RIN2: variants seen among roughly 807,000 people sequenced by gnomAD.
RIN2 encodes RAB5 interacting protein 2.
RIN2 carries 36 observed loss-of-function variants against 78.0 expected under a neutral mutation model. The observed-to-expected ratio is 0.46, with a 90% CI of 0.35 to 0.61. The LOEUF (loss-of-function observed/expected upper bound fraction) is 0.61. Among genes scored for constraint, RIN2 ranks in the 20% least tolerant of loss-of-function variants. The pLI is 0.00. For synonymous variants in RIN2, 466 were observed against 466.8 expected (o/e 1.00, Z 0.02); for missense variants, 1,087 against 1,159.7 (o/e 0.94, Z 0.91).
At chr20:19,836,703 CTA>C (rs1457278367) in intron 2 of RIN2, among the ~76,000 whole-genome samples, 1 of 152,000 alleles carries the variant, frequency 6.6e-6, no homozygotes, top group African/African-American at 2.4e-5. Flanking sequence ...TAATTCTCAT[CTA>C]TTTAATTTTT....
chr20:19,788,435 A>AAAAAAAACAAAAACAAATAC, intron 1 of RIN2, among the ~76,000 whole-genome samples: 1 of 137,808 alleles, frequency 7.3e-6, no homozygotes, highest in African/African-American at 2.9e-5. Flanking sequence ...TCTCTGCCAA[A>AAAAAAAACAAAAACAAATAC]AAAAAAAAAA....
chr20:19,812,698 C>G (rs1336450247), intron 2 of RIN2, among the ~76,000 whole-genome samples: 1 of 152,150 alleles, frequency 6.6e-6, no homozygotes, highest in Non-Finnish European at 1.5e-5. Flanking sequence ...GAATGGCATA[C>G]TTGGGAATTG....
At chr20:19,909,887 C>A (rs1252352420) in intron 3 of RIN2, among the ~76,000 whole-genome samples, 3 of 152,238 alleles carry the variant, frequency 2.0e-5, no homozygotes, top group Admixed American at 6.5e-5. Flanking sequence ...TAAATGGGGA[C>A]CATGATGCGG....
chr20:19,818,874 T>A (rs1438231637), intron 2 of RIN2, among the ~76,000 whole-genome samples: 1 of 152,230 alleles, frequency 6.6e-6, no homozygotes, highest in African/African-American at 2.4e-5. Context: ...CATCAGTTGG[T>A]TAAATGTATT....
At chr20:19,825,508 G>T (rs1007173959) in intron 2 of RIN2, among the ~76,000 whole-genome samples, 1 of 152,170 alleles carries the variant, frequency 6.6e-6, no homozygotes, top group African/African-American at 2.4e-5. Flanking sequence ...CCTTCAGCTA[G>T]GCCTTTTGTG....
chr20:19,977,891 G>C (rs2146333198), intron 9 of RIN2, among the ~76,000 whole-genome samples: 1 of 152,172 alleles, frequency 6.6e-6, no homozygotes, highest in South Asian at 2.1e-4. Context: ...AAAGCAGTCA[G>C]TTCCTCCTGT....
chr20:19,991,205 T>C (rs1245084558), intron 10 of RIN2, among the ~76,000 whole-genome samples: 2 of 152,158 alleles, frequency 1.3e-5, no homozygotes, highest in Admixed American at 1.3e-4. Flanking sequence ...GAAGTTAAAA[T>C]ATGAGCTCCT....
intron 2 of RIN2, among the ~76,000 whole-genome samples, chr20:19,856,141 C>T (rs1192617038): frequency 6.6e-6 from 1 of 151,922 alleles, no homozygotes; most frequent in Non-Finnish European, 1.5e-5. Flanking sequence ...AAGATCATAC[C>T]CTGTATATGA....
chr20:19,802,305 G>A (rs983821999), intron 2 of RIN2, among the ~76,000 whole-genome samples: 1 of 152,070 alleles, frequency 6.6e-6, no homozygotes, highest in Non-Finnish European at 1.5e-5. Context: ...CCGTGCTTAG[G>A]TGACCTACAT....
intron 6 of RIN2, among the ~76,000 whole-genome samples, chr20:19,962,472 G>A (rs2041796212): frequency 1.3e-5 from 2 of 152,172 alleles, no homozygotes; most frequent in African/African-American, 4.8e-5. Context: ...CTTCCTCGTT[G>A]TTCATTGAGG....
At chr20:19,944,036 AT>A (rs1317586866) in intron 4 of RIN2, among the ~76,000 whole-genome samples, 1 of 138,208 alleles carries the variant, frequency 7.2e-6, no homozygotes, top group Non-Finnish European at 1.5e-5. Flanking sequence ...GAACTTCAAA[AT>A]TCTAAAGAAA....
At chr20:19,888,931 T>C (rs1436783430) in intron 2 of RIN2, among the ~76,000 whole-genome samples, 1 of 152,252 alleles carries the variant, frequency 6.6e-6, no homozygotes, top group East Asian at 1.9e-4. Flanking sequence ...ACCCTGCCTC[T>C]GAGTTTTCCT....
intron 2 of RIN2, among the ~76,000 whole-genome samples, chr20:19,882,537 C>T (rs2038054795): frequency 6.6e-6 from 1 of 152,130 alleles, no homozygotes; most frequent in South Asian, 2.1e-4. Context: ...AAGCTCTAAA[C>T]TCAACTGCTA....
At chr20:19,857,263 A>T (rs1001217166) in intron 2 of RIN2, among the ~76,000 whole-genome samples, 32 of 152,262 alleles carry the variant, frequency 2.1e-4, no homozygotes, top group Non-Finnish European at 4.0e-4. Context: ...TTTGCTCAAC[A>T]TAATGTTTTG....
intron 2 of RIN2, among the ~76,000 whole-genome samples, chr20:19,840,269 C>T (rs1343399710): frequency 6.6e-6 from 1 of 152,130 alleles, no homozygotes; most frequent in Non-Finnish European, 1.5e-5. Context: ...CTCAGGGTTT[C>T]CTTCCCCACT....
chr20:19,835,524 G>A (rs190223462), intron 2 of RIN2, among the ~76,000 whole-genome samples: 4 of 152,220 alleles, frequency 2.6e-5, no homozygotes, highest in East Asian at 1.9e-4. Flanking sequence ...GGAGTAAACC[G>A]AATTTCACAT....
chr20:19,803,361 C>T (rs549505875), intron 2 of RIN2, among the ~76,000 whole-genome samples: 1 of 152,222 alleles, frequency 6.6e-6, no homozygotes, highest in Non-Finnish European at 1.5e-5. Flanking sequence ...GCTACAGTAA[C>T]CAAAACAGCA....
chr20:19,841,658 G>T (rs1329531416), intron 2 of RIN2, among the ~76,000 whole-genome samples: 1 of 152,194 alleles, frequency 6.6e-6, no homozygotes, highest in Non-Finnish European at 1.5e-5. Context: ...GGACCAATGA[G>T]AAAAAGCATT....
At chr20:19,866,024 A>T (rs2037495307) in intron 2 of RIN2, among the ~76,000 whole-genome samples, 1 of 151,980 alleles carries the variant, frequency 6.6e-6, no homozygotes, top group African/African-American at 2.4e-5. Flanking sequence ...TTATTATTAC[A>T]TTGTAATATA....
Sources: gnomAD v4.1 joint callset for allele counts (sites outside exome capture counted in the v4.1 genomes callset) on GRCh38, gnomAD v4.1.1 for gene constraint, MANE v1.5 for transcripts, NCBI Gene and HGNC (gene_info 2026-07-23, HGNC 2026-07-21) for gene names.